The following RAB2A variants were observed in gnomAD, a reference collection of about 807,000 sequenced individuals.
The protein encoded by RAB2A is RAB2A, member RAS oncogene family.
A neutral mutation model predicts 32.5 loss-of-function variants in RAB2A; 7 were observed. The observed-to-expected ratio is 0.22, with a 90% CI of 0.12 to 0.40. The LOEUF (loss-of-function observed/expected upper bound fraction) is 0.40, where lower values mean the gene tolerates loss of function less well. Ranked by LOEUF, RAB2A falls within the 10% of genes least tolerant of loss-of-function variation. The pLI, the probability that RAB2A is intolerant of heterozygous loss-of-function variation, is 1.00. For synonymous variants in RAB2A, 79 were observed against 85.2 expected (o/e 0.93, Z 0.40); for missense variants, 108 against 260.7 (o/e 0.41, Z 4.03).
At chr8:60,544,414 T>G (rs1312342474) in intron 1 of RAB2A, among the ~76,000 whole-genome samples, 2 of 152,142 alleles carry the variant, frequency 1.3e-5, no homozygotes, top group African/African-American at 4.8e-5. Flanking sequence ...TAATGCTCTC[T>G]TAGCTGTATT....
chr8:60,547,693 G>A (rs1260067681), intron 1 of RAB2A, among the ~76,000 whole-genome samples: 5 of 121,634 alleles, frequency 4.1e-5, no homozygotes, highest in South Asian at 2.8e-4. Flanking sequence ...GCGGCTGGCC[G>A]GGCGGGGGGG....
At chr8:60,526,139 A>T (rs750866248) in intron 1 of RAB2A, among the ~76,000 whole-genome samples, 24 of 151,198 alleles carry the variant, frequency 1.6e-4, no homozygotes, top group Non-Finnish European at 2.8e-4. Context: ...TCTATAGTTC[A>T]GAAGTCTAAC....
intron 1 of RAB2A, among the ~76,000 whole-genome samples, chr8:60,527,612 G>T (rs1020092675): frequency 6.6e-6 from 1 of 152,162 alleles, no homozygotes; most frequent in Non-Finnish European, 1.5e-5. Context: ...ACCATATCAG[G>T]ACATTTATAC....
intron 1 of RAB2A, among the ~76,000 whole-genome samples, chr8:60,534,890 T>C (rs1307061655): frequency 6.7e-6 from 1 of 150,074 alleles, no homozygotes; most frequent in African/African-American, 2.5e-5. Flanking sequence ...ATTTGTACAA[T>C]AATAAGCCTC....
chr8:60,586,821 C>G (rs1414442250), intron 5 of RAB2A, among the ~76,000 whole-genome samples: 1 of 151,408 alleles, frequency 6.6e-6, no homozygotes. Context: ...TCTACTTACT[C>G]AGGAAGCAGA....
chr8:60,583,990 G>A (rs939273138), intron 3 of RAB2A: 10 of 401,936 alleles, frequency 2.5e-5, no homozygotes, highest in Non-Finnish European at 4.2e-5. Context: ...GAGGTTGCAG[G>A]AGCGACTACA....
intron 2 of RAB2A, 110 bp downstream of exon 2, chr8:60,559,033 TTTG>T: frequency 1.3e-6 from 1 of 768,592 alleles, no homozygotes; most frequent in Non-Finnish European, 2.2e-6. Context: ...TGAAACTGGA[TTTG>T]TTGTTACGCT....
intron 3 of RAB2A, among the ~76,000 whole-genome samples, chr8:60,573,397 A>G (rs1470707350): frequency 6.6e-6 from 1 of 152,228 alleles, no homozygotes; most frequent in Non-Finnish European, 1.5e-5. Flanking sequence ...GGTCTCACAG[A>G]CTGGATTCCC....
chr8:60,547,471 G>A (rs1185273261), intron 1 of RAB2A, among the ~76,000 whole-genome samples: 5 of 152,018 alleles, frequency 3.3e-5, no homozygotes, highest in East Asian at 3.9e-4. Flanking sequence ...CAGTAGGCGC[G>A]GCCGGGCAGA....
At chr8:60,564,351 T>TTAG (rs1359095140) in intron 2 of RAB2A, among the ~76,000 whole-genome samples, 12 of 152,232 alleles carry the variant, frequency 7.9e-5, no homozygotes, top group South Asian at 2.1e-4. Flanking sequence ...GGACACTGCT[T>TTAG]TAGTAGTTCT....
chr8:60,531,959 C>T (rs373171024), intron 1 of RAB2A, among the ~76,000 whole-genome samples: 12 of 152,156 alleles, frequency 7.9e-5, no homozygotes, highest in South Asian at 4.2e-4. Flanking sequence ...CGCACTGCCA[C>T]GCCCAACTAA....
intron 1 of RAB2A, among the ~76,000 whole-genome samples, chr8:60,537,673 C>G (rs1429635648): frequency 6.6e-6 from 1 of 152,102 alleles, no homozygotes; most frequent in Non-Finnish European, 1.5e-5. Context: ...GTATTTATAA[C>G]TGTTTTCTTT....
At position 60,621,767 on chromosome 8, in the gene RAB2A, C is replaced by G. The variant is rs1259437332; in HGVS notation, c.*998C>G. 6.6e-6 allele frequency: 1 copy of G among 152,082 alleles called. No individual in the cohort carries two copies. Among genetic ancestry groups the G allele is most frequent in the Non-Finnish European group, 1.5e-5 (1 of 68,006 alleles). 9.4% of individuals were successfully genotyped at this position (152,082 alleles called of 1,614,324 possible). ...GTTTTTCAACCTTGATGTACAGTGA[C>G]TGTGTAAAATTTTTCTTTCAGTGGC... On this transcript the variant is annotated 3_prime_UTR_variant, in exon 8 of 8. Coordinates refer to ENST00000262646, the MANE Select transcript of RAB2A (RefSeq NM_002865.3).
chr8:60,604,420 A>G (rs980269841), intron 6 of RAB2A, among the ~76,000 whole-genome samples: 3 of 152,202 alleles, frequency 2.0e-5, no homozygotes, highest in South Asian at 2.1e-4. Flanking sequence ...TGTGGAAACA[A>G]CTTTGGAACT....
intron 1 of RAB2A, among the ~76,000 whole-genome samples, chr8:60,520,762 A>G (rs1239931574): frequency 2.6e-5 from 4 of 151,402 alleles, no homozygotes; most frequent in Admixed American, 2.0e-4. Flanking sequence ...TTTATTTTTT[A>G]TTTTTCACTC....
intron 1 of RAB2A, among the ~76,000 whole-genome samples, chr8:60,548,935 C>T (rs1413626735): frequency 1.3e-5 from 2 of 151,228 alleles, no homozygotes; most frequent in Non-Finnish European, 3.0e-5. Flanking sequence ...GGGCAGTTGC[C>T]AGGCAGAGGG....
intron 3 of RAB2A, chr8:60,576,433 AGCCCCTCC>A: frequency 3.0e-6 from 1 of 337,740 alleles, no homozygotes; most frequent in Non-Finnish European, 5.9e-6. Context: ...TTGATTTCCC[AGCCCCTCC>A]AAAAAAAATT....
intron 6 of RAB2A, among the ~76,000 whole-genome samples, chr8:60,596,845 C>G (rs1804037788): frequency 6.6e-6 from 1 of 152,092 alleles, no homozygotes; most frequent in Non-Finnish European, 1.5e-5. Context: ...GGCATGAACC[C>G]AGGAGGCGGA....
At chr8:60,542,465 G>A (rs1807661447) in intron 1 of RAB2A, among the ~76,000 whole-genome samples, 1 of 152,102 alleles carries the variant, frequency 6.6e-6, no homozygotes, top group African/African-American at 2.4e-5. Context: ...AGTGAGTGTC[G>A]AGATCGCGCC....
Sources: allele counts gnomAD v4.1 joint callset (sites outside exome capture counted in the v4.1 genomes callset), GRCh38; gene constraint gnomAD v4.1.1; transcripts MANE v1.5; gene names NCBI Gene and HGNC (gene_info 2026-07-23, HGNC 2026-07-21).